MESD: variants seen among roughly 807,000 people sequenced by gnomAD.
The protein encoded by MESD is LRP chaperone MESD.
Under a neutral mutation model 12.9 loss-of-function variants are expected in MESD, and 7 were observed. That is an observed-to-expected ratio of 0.54 (90% confidence interval 0.31 to 1.02). The LOEUF (loss-of-function observed/expected upper bound fraction) is 1.02, where lower values mean the gene tolerates loss of function less well. Among genes scored for constraint, MESD ranks in the 50% least tolerant of loss-of-function variants. MESD has a pLI of 0.05. For synonymous variants in MESD, 126 were observed against 115.6 expected, an observed-to-expected ratio of 1.09 and a Z score of -0.58; for missense variants, 342 against 296.7, an observed-to-expected ratio of 1.15 and a Z score of -1.12.
At chr15:80,971,190 C>T (rs1224921780), downstream of MESD, among the ~76,000 whole-genome samples, 1 of 152,170 alleles carries the variant, frequency 6.6e-6, no homozygotes, top group Non-Finnish European at 1.5e-5. Context: ...TTGATCTTTG[C>T]CTGCTGTAAA....
At chr15:80,989,485 G>A (rs1340757070) in intron 1 of MESD, 94 bp downstream of exon 1, 2 of 1,385,100 alleles carry the variant, frequency 1.4e-6, no homozygotes, top group Admixed American at 3.7e-5. Flanking sequence ...GAGGTTAGGG[G>A]GTCAGAAAGG....
At chr15:80,947,279 A>G, downstream of MESD, 1 of 528,356 alleles carries the variant, frequency 1.9e-6, no homozygotes, top group Non-Finnish European at 3.4e-6. Flanking sequence ...AATTTATTAT[A>G]ACTTGCCACC....
At chr15:80,951,384 T>TTTC (rs1901818952) in intron 4 of MESD, 1 of 152,716 alleles carries the variant, frequency 6.5e-6, no homozygotes, top group African/African-American at 2.4e-5. Context: ...TAGCACAAAT[T>TTTC]TTCTTATTGC....
At chr15:80,962,147 T>A (rs894324223) in intron 3 of MESD, among the ~76,000 whole-genome samples, 5 of 152,122 alleles carry the variant, frequency 3.3e-5, no homozygotes, top group Admixed American at 6.5e-5. Flanking sequence ...TGGAAGAAGA[T>A]CTACCAAGCA....
In MESD at chr15:80,955,425, G is replaced by A. The variant is rs1342961258; in HGVS notation, c.*289-3129C>T. The stretch of plus-strand genomic sequence containing the variant: ...GAATGGCGTGAACCCAGGAGGCGGA[G>A]CTTGCAGTGAGCCGAGATTGCGCCA... On this transcript the variant is annotated intron_variant, in intron 3 of 4. Transcript: ENST00000561312. 1.2e-4 allele frequency among the ~76,000 whole-genome samples: 17 copies of A among 146,798 alleles called. 1 individual carries two copies. Among genetic ancestry groups the A allele is most frequent in the African/African-American group, 4.1e-4 (16 of 39,492 alleles).
In MESD at chr15:80,979,419, C is replaced by T. The variant is rs1049372369; in HGVS notation, c.505G>A (p.Glu169Lys). 15 of 1,614,086 alleles carry T rather than the reference C, an allele frequency of 9.3e-6. No individual in the cohort carries two copies. The African/African-American group carries it at 2.0e-4, about 22-fold the overall frequency. Reference protein sequence around the residue: ...FMLRDGSYAWEIKDFLVGQDR... With the variant: ...FMLRDGSYAWKIKDFLVGQDR... ...TGACCGACCAAAAAGTCCTTGATCTCCCAGGCGTAGCTCCCATCGCGAAGC... is the reference window on the plus strand; with the variant it reads ...TGACCGACCAAAAAGTCCTTGATCTTCCAGGCGTAGCTCCCATCGCGAAGC... Residue 169 changes from glutamate to lysine, a missense_variant, in exon 3 of 3, where the codon GAG (glutamate) becomes AAG (lysine). Glu to Lys is a moderately conservative substitution (Grantham distance 56). Coordinates refer to ENST00000261758, the MANE Select transcript of MESD (RefSeq NM_015154.3).
At position 80,981,971 on chromosome 15, in the gene MESD, T is replaced by C. The variant is rs534456533; in HGVS notation, c.425A>G (p.Asn142Ser). Residue 142 changes from asparagine to serine, a missense_variant, in exon 2 of 3, where the codon AAT (asparagine) becomes AGT (serine). By Grantham distance (46) the Asn-to-Ser change is conservative. Transcript: ENST00000261758. Reference sequence around the variant, plus strand: ...TTACCTCTGGACGTCATAGTTGGCATTGAAAAGGCTGCCCTGCCAGAGGCT... The same window carrying C: ...TTACCTCTGGACGTCATAGTTGGCACTGAAAAGGCTGCCCTGCCAGAGGCT... The part of the protein sequence containing the change: ...ITSLWQGSLF[N>S]ANYDVQRFIV... 33 of 1,614,014 alleles carry C rather than the reference T, an allele frequency of 2.0e-5. No homozygotes were observed. Among genetic ancestry groups the C allele is most frequent in the Middle Eastern group, 1.6e-4 (1 of 6,062 alleles).
chr15:80,955,616 C>CGTGTGCGTGTGTGTGTGT (rs1555440346), intron 3 of MESD, among the ~76,000 whole-genome samples: 13 of 144,902 alleles, frequency 9.0e-5, no homozygotes, highest in Admixed American at 1.4e-4. Flanking sequence ...TGTGTTTGTG[C>CGTGTGCGTGTGTGTGTGT]GTGTGTGTGT....
chr15:80,946,693 A>G, downstream of MESD: 4 of 471,452 alleles, frequency 8.5e-6, no homozygotes, highest in Non-Finnish European at 1.2e-5. Context: ...GGAGAGAGAC[A>G]TGTAAACGCG....
intron 1 of MESD, among the ~76,000 whole-genome samples, chr15:80,987,491 CTT>C (rs11337726): frequency 3.0e-4 from 43 of 143,422 alleles, no homozygotes; most frequent in Admixed American, 4.2e-4. Flanking sequence ...CAAAATCTGT[CTT>C]TTTTTTTTTT....
intron 3 of MESD, among the ~76,000 whole-genome samples, chr15:80,960,324 C>T (rs1028679962): frequency 6.7e-6 from 1 of 150,160 alleles, no homozygotes; most frequent in Non-Finnish European, 1.5e-5. Flanking sequence ...TGTGATTACA[C>T]CACTGTAATC....
chr15:80,974,059 G>GC (rs1340369847), downstream of MESD, among the ~76,000 whole-genome samples: 4 of 151,194 alleles, frequency 2.6e-5, no homozygotes, highest in African/African-American at 9.8e-5. Context: ...AGCAATTATG[G>GC]TTCCCCCCCC....
intron 4 of MESD, chr15:80,949,110 T>C (rs1265186370): frequency 4.0e-6 from 3 of 755,594 alleles, no homozygotes; most frequent in African/African-American, 3.5e-5. Context: ...CCTACTCAAG[T>C]GTCTACCTGG....
intron 3 of MESD, among the ~76,000 whole-genome samples, chr15:80,966,587 C>A (rs558766993): frequency 6.6e-6 from 1 of 152,214 alleles, no homozygotes. Flanking sequence ...GCTTCCACCC[C>A]TCCTGCTGTG....
Position 80,989,767 on chromosome 15 carries a change from T to C in MESD, c.25A>G (p.Lys9Glu), listed in dbSNP as rs1201683569. 6.9e-6 allele frequency: 11 copies of C among 1,594,376 alleles called. No individual in the cohort carries two copies. Among genetic ancestry groups the C allele is most frequent in the South Asian group, 2.2e-5 (2 of 90,608 alleles). Residue 9 changes from lysine (K) to glutamate (E), a missense_variant, in exon 1 of 3, where the codon AAG (lysine) becomes GAG (glutamate). Physicochemically the swap from Lys to Glu is moderately conservative, Grantham distance 56. Transcript: ENST00000261758. MAASRWAR[K>E]AVVLLCASDL... ...GAGGCACAAAGCAGGACCACGGCCT[T>C]GCGCGCCCACCTGGAAGCCGCCATT...
chr15:80,964,083 T>C (rs1221752193), intron 3 of MESD, among the ~76,000 whole-genome samples: 2 of 152,178 alleles, frequency 1.3e-5, no homozygotes, highest in Admixed American at 1.3e-4. Context: ...AAATCCCCAT[T>C]GTCTCAGCCC....
chr15:80,968,034 T>A (rs1446540921), intron 3 of MESD, among the ~76,000 whole-genome samples: 3 of 152,202 alleles, frequency 2.0e-5, no homozygotes, highest in Admixed American at 2.0e-4. Flanking sequence ...GCGTGGGACC[T>A]CCTGAAATCT....
At chr15:80,989,444 G>A in intron 1 of MESD, 135 bp downstream of exon 1, 2 of 1,060,616 alleles carry the variant, frequency 1.9e-6, no homozygotes, top group Non-Finnish European at 2.7e-6. Context: ...TGGCTTCAGT[G>A]GGTCAGTAAG....
At chr15:80,982,745 A>G (rs1053731255) in intron 1 of MESD, among the ~76,000 whole-genome samples, 5 of 152,204 alleles carry the variant, frequency 3.3e-5, no homozygotes, top group African/African-American at 1.2e-4. Flanking sequence ...AATGTTCTAC[A>G]TTTTGACAGG....
Sources: gnomAD v4.1 joint callset for allele counts (sites outside exome capture counted in the v4.1 genomes callset) on GRCh38, gnomAD v4.1.1 for gene constraint, MANE v1.5 for transcripts, NCBI Gene and HGNC (gene_info 2026-07-23, HGNC 2026-07-21) for gene names.